KIAA1217: variants seen among roughly 807,000 people sequenced by gnomAD.
KIAA1217 encodes the protein sickle tail protein homolog.
KIAA1217 carries 88 observed loss-of-function variants against 163.9 expected under a neutral mutation model. That is an observed-to-expected ratio of 0.54 (90% CI 0.45 to 0.64). The LOEUF is 0.64. Ranked by LOEUF, KIAA1217 falls within the 30% of genes least tolerant of loss-of-function variation. The pLI, the probability that KIAA1217 is intolerant of heterozygous loss-of-function variation, is 0.00. For missense variants in KIAA1217, 2,372 were observed against 2,475.0 expected (o/e 0.96, Z 0.88); for synonymous variants, 903 against 923.1 (o/e 0.98, Z 0.39).
At chr10:24,061,690 A>T (rs1468303661) in intron 2 of KIAA1217, among the ~76,000 whole-genome samples, 1 of 152,110 alleles carries the variant, frequency 6.6e-6, no homozygotes, top group Admixed American at 6.6e-5. Context: ...TTCTTTTAGC[A>T]CTTTGAATAT....
chr10:23,735,640 G>T (rs116934122), intron 1 of KIAA1217, among the ~76,000 whole-genome samples: 1 of 151,470 alleles, frequency 6.6e-6, no homozygotes, highest in African/African-American at 2.4e-5. Flanking sequence ...TAGGTTATTT[G>T]CTTTATTCTC....
chr10:24,324,441 C>T (rs1304115737), intron 2 of KIAA1217, among the ~76,000 whole-genome samples: 3 of 152,286 alleles, frequency 2.0e-5, no homozygotes, highest in East Asian at 1.9e-4. Flanking sequence ...GTGGCATGCT[C>T]CTGTAATCCT....
At chr10:23,777,498 A>C (rs1308810673) in intron 1 of KIAA1217, among the ~76,000 whole-genome samples, 1 of 152,210 alleles carries the variant, frequency 6.6e-6, no homozygotes, top group South Asian at 2.1e-4. Flanking sequence ...TTTACAAGAC[A>C]GTGTAAGAAA....
intron 1 of KIAA1217, among the ~76,000 whole-genome samples, chr10:23,945,251 TAAAC>T (rs1280801553): frequency 2.6e-5 from 4 of 152,146 alleles, no homozygotes; most frequent in African/African-American, 7.2e-5. Context: ...TGGGAGAGGA[TAAAC>T]AAACTGTGCT....
chr10:24,011,641 G>T (rs78204045), intron 2 of KIAA1217, among the ~76,000 whole-genome samples: 2,520 of 152,222 alleles, frequency 0.017, 53 homozygotes, highest in African/African-American at 0.048. Context: ...TGAAGCAAAA[G>T]AAATCAATTA....
intron 2 of KIAA1217, among the ~76,000 whole-genome samples, chr10:24,017,043 T>G (rs1282860474): frequency 1.2e-5 from 1 of 80,212 alleles, no homozygotes; most frequent in Non-Finnish European, 2.9e-5. Flanking sequence ...TTTTTTTGTT[T>G]TTTTTTTTTT....
chr10:23,882,031 G>C (rs998470227), intron 1 of KIAA1217, among the ~76,000 whole-genome samples: 2 of 144,618 alleles, frequency 1.4e-5, no homozygotes, highest in Non-Finnish European at 3.1e-5. Flanking sequence ...GTAAAATAGA[G>C]TGTCTCTTTC....
intron 2 of KIAA1217, among the ~76,000 whole-genome samples, chr10:24,244,127 C>CTCTT (rs1237136127): frequency 2.0e-5 from 3 of 152,126 alleles, no homozygotes; most frequent in Non-Finnish European, 4.4e-5. Context: ...TTTCCAATGC[C>CTCTT]TCTTGATAAA....
intron 2 of KIAA1217, among the ~76,000 whole-genome samples, chr10:24,049,303 A>G (rs1849309509): frequency 1.3e-5 from 2 of 152,184 alleles, no homozygotes; most frequent in Non-Finnish European, 2.9e-5. Context: ...GCATTAGAGA[A>G]GCATGAATCA....
At chr10:24,190,532 A>T (rs918987850) in intron 2 of KIAA1217, among the ~76,000 whole-genome samples, 1 of 152,198 alleles carries the variant, frequency 6.6e-6, no homozygotes, top group African/African-American at 2.4e-5. Flanking sequence ...TTTAGAAGTT[A>T]GGGCTTTCCC....
intron 2 of KIAA1217, among the ~76,000 whole-genome samples, chr10:24,280,700 C>T (rs1034751524): frequency 3.3e-5 from 5 of 151,838 alleles, no homozygotes; most frequent in African/African-American, 1.2e-4. Flanking sequence ...GTCCCAGCTA[C>T]TCAGGAGGCT....
chr10:23,806,352 GAT>G (rs1836742854), intron 1 of KIAA1217, among the ~76,000 whole-genome samples: 1 of 152,156 alleles, frequency 6.6e-6, no homozygotes, highest in South Asian at 2.1e-4. Flanking sequence ...AGAAACAAAT[GAT>G]AAAATGTGAA....
At chr10:24,350,790 T>C (rs2048358306) in intron 2 of KIAA1217, among the ~76,000 whole-genome samples, 1 of 150,118 alleles carries the variant, frequency 6.7e-6, no homozygotes, top group Non-Finnish European at 1.5e-5. Flanking sequence ...GGGAGTTAGC[T>C]GACAGGAAAT....
At chr10:23,984,145 C>T (rs1368461609) in intron 1 of KIAA1217, among the ~76,000 whole-genome samples, 1 of 152,194 alleles carries the variant, frequency 6.6e-6, no homozygotes, top group Non-Finnish European at 1.5e-5. Context: ...AAGCAGCTCC[C>T]ACCACACTGT....
At chr10:23,997,634 G>A (rs2131455394) in intron 1 of KIAA1217, among the ~76,000 whole-genome samples, 1 of 152,252 alleles carries the variant, frequency 6.6e-6, no homozygotes, top group East Asian at 1.9e-4. Flanking sequence ...TTATTCCTTG[G>A]AATTCAAACA....
chr10:24,088,285 ATG>A (rs1564686238), intron 2 of KIAA1217, among the ~76,000 whole-genome samples: 2 of 111,738 alleles, frequency 1.8e-5, no homozygotes, highest in African/African-American at 5.6e-5. Context: ...ACACACATAT[ATG>A]TGTATATATA....
At chr10:24,135,532 C>A (rs1039606514) in intron 2 of KIAA1217, among the ~76,000 whole-genome samples, 1 of 151,524 alleles carries the variant, frequency 6.6e-6, no homozygotes, top group African/African-American at 2.4e-5. Context: ...GGAGACATGC[C>A]AGCCAAAAGG....
At chr10:24,052,650 T>C (rs1022153249) in intron 2 of KIAA1217, among the ~76,000 whole-genome samples, 2 of 152,132 alleles carry the variant, frequency 1.3e-5, no homozygotes, top group African/African-American at 4.8e-5. Flanking sequence ...ATACTTCTAT[T>C]ATATTACATT....
At chr10:24,353,877 G>C (rs1218049346) in intron 2 of KIAA1217, among the ~76,000 whole-genome samples, 1 of 152,108 alleles carries the variant, frequency 6.6e-6, no homozygotes, top group Non-Finnish European at 1.5e-5. Context: ...TATTTTATGA[G>C]CAAAAAATGT....
Sources: allele counts gnomAD v4.1 joint callset (sites outside exome capture counted in the v4.1 genomes callset), GRCh38; gene constraint gnomAD v4.1.1; transcripts MANE v1.5; gene names NCBI Gene and HGNC (gene_info 2026-07-23, HGNC 2026-07-21).